Variants in RALYL observed in about 807,000 individuals in gnomAD.
The protein encoded by RALYL is RALY RNA binding protein like, also known as RNA-binding Raly-like protein.
RALYL carries 29 observed loss-of-function variants against 35.1 expected under a neutral mutation model. The observed-to-expected ratio is 0.83, with a 90% confidence interval of 0.61 to 1.13. The LOEUF (loss-of-function observed/expected upper bound fraction) is 1.13. Ranked by LOEUF, RALYL falls within the 50% of genes most tolerant of loss-of-function variation. The pLI is 0.00. For missense variants in RALYL, 359 were observed against 360.4 expected (o/e 1.00, Z 0.03); for synonymous variants, 120 against 127.6 (o/e 0.94, Z 0.40).
intron 4 of RALYL, among the ~76,000 whole-genome samples, chr8:84,841,650 A>G (rs572491884): frequency 6.6e-6 from 1 of 152,268 alleles, no homozygotes; most frequent in African/African-American, 2.4e-5. Flanking sequence ...TCTACCCCAA[A>G]TCAACAGAAT....
At chr8:84,458,104 T>C (rs1180309599) in intron 1 of RALYL, among the ~76,000 whole-genome samples, 1 of 151,914 alleles carries the variant, frequency 6.6e-6, no homozygotes, top group African/African-American at 2.4e-5. Context: ...TAAATTAACA[T>C]CATGTTGACC....
At chr8:84,550,728 A>G (rs932026911) in intron 2 of RALYL, among the ~76,000 whole-genome samples, 2 of 151,902 alleles carry the variant, frequency 1.3e-5, no homozygotes, top group African/African-American at 4.8e-5. Flanking sequence ...CGCGGTTCCT[A>G]TAAATACTAT....
chr8:84,918,914 T>G (rs936085082), intron 8 of RALYL, among the ~76,000 whole-genome samples: 5 of 152,104 alleles, frequency 3.3e-5, no homozygotes, highest in Admixed American at 3.3e-4. Flanking sequence ...TAATTATTTT[T>G]ATGTAATTAT....
chr8:84,726,184 A>G (rs1285157692), intron 2 of RALYL, among the ~76,000 whole-genome samples: 1 of 149,054 alleles, frequency 6.7e-6, no homozygotes, highest in Non-Finnish European at 1.5e-5. Context: ...TAACTAATCT[A>G]GATCACACTT....
chr8:84,462,388 G>A (rs1587483998), intron 1 of RALYL, among the ~76,000 whole-genome samples: 1 of 150,450 alleles, frequency 6.6e-6, no homozygotes, highest in Non-Finnish European at 1.5e-5. Context: ...TTCCTAATCT[G>A]ACTTGTTCCG....
intron 1 of RALYL, among the ~76,000 whole-genome samples, chr8:84,236,483 T>C (rs1826583034): frequency 6.6e-6 from 1 of 152,150 alleles, no homozygotes; most frequent in Admixed American, 6.5e-5. Context: ...TTGAGTAGTT[T>C]GAATCTGCCC....
intron 2 of RALYL, among the ~76,000 whole-genome samples, chr8:84,689,882 A>T (rs1438266996): frequency 6.6e-6 from 1 of 152,156 alleles, no homozygotes; most frequent in African/African-American, 2.4e-5. Flanking sequence ...TCAAAAAGAC[A>T]AAAGATAGCA....
Position 84,328,102 on chromosome 8 carries a change from G to A in RALYL, c.-24+143678G>A, listed in dbSNP as rs765693929. On this transcript the variant is annotated intron_variant, in intron 1 of 8. Coordinates refer to ENST00000521268, the MANE Select transcript of RALYL (RefSeq NM_173848.7). ...TAGTCTTTCACTTAGAACTTATTAC[G>A]GTAACATTAATTATTGGGAATTATA... is the stretch of plus-strand genomic sequence containing the variant. Among the ~76,000 whole-genome samples the A allele has an allele frequency of 3.9e-5, 6 of 152,032 alleles. 1 individual carries two copies. The highest frequency in any genetic ancestry group is 4.2e-4 in the South Asian group (2 of 4,818).
chr8:84,665,788 T>G (rs1831894875), intron 2 of RALYL: 2 of 152,000 alleles, frequency 1.3e-5, no homozygotes, highest in East Asian at 1.9e-4. Flanking sequence ...CAAATTTGCA[T>G]GTAATCCTTG....
chr8:84,379,772 C>G (rs373373401), intron 1 of RALYL, among the ~76,000 whole-genome samples: 1 of 150,568 alleles, frequency 6.6e-6, no homozygotes, highest in Non-Finnish European at 1.5e-5. Context: ...AATATAAATG[C>G]GGGCAGGAAT....
intron 3 of RALYL, among the ~76,000 whole-genome samples, chr8:84,783,830 G>T (rs1418715129): frequency 2.0e-5 from 3 of 152,110 alleles, no homozygotes; most frequent in Non-Finnish European, 4.4e-5. Flanking sequence ...TTTCAATAGG[G>T]AGAATTAAGC....
At chr8:84,196,551 C>T (rs1815319443) in intron 1 of RALYL, among the ~76,000 whole-genome samples, 1 of 151,996 alleles carries the variant, frequency 6.6e-6, no homozygotes, top group Non-Finnish European at 1.5e-5. Flanking sequence ...GTTTTTTGTG[C>T]TAAGTCTTTG....
intron 2 of RALYL, among the ~76,000 whole-genome samples, chr8:84,554,284 A>G (rs920121273): frequency 2.0e-5 from 3 of 152,200 alleles, no homozygotes; most frequent in Non-Finnish European, 2.9e-5. Context: ...CTGGAGATGT[A>G]ACAATTTACG....
At chr8:84,279,262 T>G (rs1291328308) in intron 1 of RALYL, among the ~76,000 whole-genome samples, 1 of 152,126 alleles carries the variant, frequency 6.6e-6, no homozygotes, top group African/African-American at 2.4e-5. Flanking sequence ...CATGTAGGGA[T>G]TATTACAATT....
At chr8:84,794,467 G>T (rs1023424873) in intron 3 of RALYL, among the ~76,000 whole-genome samples, 1 of 152,212 alleles carries the variant, frequency 6.6e-6, no homozygotes, top group South Asian at 2.1e-4. Flanking sequence ...GCAGCCACAT[G>T]CTAGTTTTTC....
chr8:84,339,775 C>T lies in RALYL; in HGVS notation c.-24+155351C>T, dbSNP rs145415398. ...AGAAAAATTTGCAGTAAGCTGAAAT[C>T]GACCTATGCCTCTTCCTAGTTCTGC... On this transcript the variant is annotated intron_variant, in intron 1 of 8. Coordinates refer to ENST00000521268, the MANE Select transcript of RALYL (RefSeq NM_173848.7). Among the ~76,000 whole-genome samples the T allele has an allele frequency of 7.9e-3, 1,202 of 152,078 alleles. 20 individuals carry two copies. The highest frequency in any genetic ancestry group is 0.028 in the African/African-American group (1,156 of 41,502).
At chr8:84,507,144 T>G (rs921865753) in intron 1 of RALYL, among the ~76,000 whole-genome samples, 2 of 152,102 alleles carry the variant, frequency 1.3e-5, no homozygotes, top group African/African-American at 4.8e-5. Context: ...TCTCCTTTTC[T>G]TAAACAACAA....
chr8:84,918,845 T>C (rs142020290), intron 8 of RALYL, among the ~76,000 whole-genome samples: 94 of 152,196 alleles, frequency 6.2e-4, no homozygotes, highest in African/African-American at 2.2e-3. Flanking sequence ...GCTTTGAAGC[T>C]TTATGGTAAG....
chr8:84,346,184 G>A (rs1056619795), intron 1 of RALYL: 8 of 477,750 alleles, frequency 1.7e-5, no homozygotes, highest in Non-Finnish European at 2.2e-5. Context: ...ATAAAATATT[G>A]CATTGTTGAA....
Sources: gnomAD v4.1 joint callset for allele counts (sites outside exome capture counted in the v4.1 genomes callset) on GRCh38, gnomAD v4.1.1 for gene constraint, MANE v1.5 for transcripts, NCBI Gene and HGNC (gene_info 2026-07-23, HGNC 2026-07-21) for gene names.